ASCC3: variants seen among roughly 807,000 people sequenced by gnomAD.
The protein encoded by ASCC3 is ASC-1 complex subunit P200.
A neutral mutation model predicts 256.3 loss-of-function variants in ASCC3; 158 were observed. The ratio of observed to expected loss-of-function variants is 0.62; its 90% CI spans 0.54 to 0.70. The LOEUF (loss-of-function observed/expected upper bound fraction) is 0.70, where lower values mean the gene tolerates loss of function less well. Ranked by LOEUF, ASCC3 falls within the 30% of genes least tolerant of loss-of-function variation. ASCC3 has a pLI of 0.00. For missense variants in ASCC3, 2,259 were observed against 2,626.0 expected (o/e 0.86, Z 3.05); for synonymous variants, 948 against 883.4 (o/e 1.07, Z -1.30).
chr6:100,674,337 T>C (rs1776900760), intron 14 of ASCC3, among the ~76,000 whole-genome samples: 1 of 152,006 alleles, frequency 6.6e-6, no homozygotes, highest in Non-Finnish European at 1.5e-5. Context: ...TCTTGCTTAT[T>C]TTCTTCCTGG....
intron 10 of ASCC3, among the ~76,000 whole-genome samples, chr6:100,765,879 A>G (rs1246981880): frequency 7.2e-4 from 109 of 152,130 alleles, no homozygotes; most frequent in Non-Finnish European, 8.8e-5. Flanking sequence ...TCTATTATCT[A>G]TTTTCCATCA....
chr6:100,682,158 C>T (rs1419224611), intron 13 of ASCC3, among the ~76,000 whole-genome samples: 1 of 151,832 alleles, frequency 6.6e-6, no homozygotes, highest in Non-Finnish European at 1.5e-5. Context: ...CCCAGAAAAC[C>T]TCATTAACCC....
At chr6:100,615,157 A>G (rs1396432524) in intron 30 of ASCC3, among the ~76,000 whole-genome samples, 1 of 152,102 alleles carries the variant, frequency 6.6e-6, no homozygotes, top group Admixed American at 6.6e-5. Flanking sequence ...CTGGGACTAC[A>G]GGTGCGTGCC....
intron 14 of ASCC3, among the ~76,000 whole-genome samples, chr6:100,667,572 A>T (rs1776543056): frequency 6.6e-6 from 1 of 152,120 alleles, no homozygotes; most frequent in South Asian, 2.1e-4. Flanking sequence ...GGGGAAACAG[A>T]AATAACCAAA....
chr6:100,629,478 C>T (rs1374210299), intron 26 of ASCC3, among the ~76,000 whole-genome samples: 3 of 151,934 alleles, frequency 2.0e-5, no homozygotes, highest in Non-Finnish European at 2.9e-5. Flanking sequence ...AAACTCCATC[C>T]TAGGTGATTT....
chr6:100,817,318 T>G (rs1770801391), intron 4 of ASCC3, among the ~76,000 whole-genome samples: 1 of 151,160 alleles, frequency 6.6e-6, no homozygotes, highest in African/African-American at 2.4e-5. Context: ...AATGCATATA[T>G]AAAGAAAAAG....
chr6:100,866,218 C>T (rs1773471605), intron 2 of ASCC3, among the ~76,000 whole-genome samples: 1 of 152,166 alleles, frequency 6.6e-6, no homozygotes, highest in South Asian at 2.1e-4. Flanking sequence ...GATCCACCCG[C>T]CTAGGCCTTC....
At chr6:100,789,409 G>A (rs1769243771) in intron 8 of ASCC3, among the ~76,000 whole-genome samples, 1 of 151,920 alleles carries the variant, frequency 6.6e-6, no homozygotes, top group Non-Finnish European at 1.5e-5. Flanking sequence ...TTCATGCTCA[G>A]GTTAGGGGCT....
At chr6:100,810,718 A>C (rs1009679065) in intron 4 of ASCC3, among the ~76,000 whole-genome samples, 2 of 152,188 alleles carry the variant, frequency 1.3e-5, no homozygotes, top group Non-Finnish European at 2.9e-5. Context: ...ACACAGGATG[A>C]AGATTAAGTT....
intron 4 of ASCC3, among the ~76,000 whole-genome samples, chr6:100,829,912 C>T (rs1463862089): frequency 6.6e-6 from 1 of 151,988 alleles, no homozygotes; most frequent in Non-Finnish European, 1.5e-5. Flanking sequence ...TTACTGAACA[C>T]AGTCACTGTG....
At chr6:100,872,795 A>G (rs1305772376) in intron 1 of ASCC3, among the ~76,000 whole-genome samples, 1 of 152,180 alleles carries the variant, frequency 6.6e-6, no homozygotes, top group African/African-American at 2.4e-5. Flanking sequence ...GACAACAATC[A>G]CTATAGCTTG....
chr6:100,646,675 G>C lies in ASCC3; in HGVS notation c.3573C>G (p.Ile1191Met), dbSNP rs763664603. The C allele has an allele frequency of 4.3e-6, 7 of 1,613,860 alleles. No individual in the cohort carries two copies. The South Asian group carries it at 7.7e-5, about 18-fold the overall frequency. Residue 1191 changes from isoleucine to methionine, a missense_variant, in exon 22 of 42, where the codon ATC (isoleucine) becomes ATG (methionine). Ile to Met is a conservative substitution (Grantham distance 10). Around this residue, in one of 2 missense-constraint regions of ASCC3, gnomAD observed 1,839 missense variants for 2,206.7 expected, o/e 0.83. Transcript: ENST00000369162. ...SVMMEASIQP[I>M]TRTVLRVTLS... ...GTGTCACTCGGAGGACAGTCCTTGT[G>C]ATAGGCTGAATGGATGCTTCCATCA...
chr6:100,548,424 T>C (rs1312770639), intron 36 of ASCC3, among the ~76,000 whole-genome samples: 3 of 151,988 alleles, frequency 2.0e-5, no homozygotes, highest in Admixed American at 1.3e-4. Context: ...GACGATAGTA[T>C]TAAATCCTTA....
Position 100,804,492 on chromosome 6 carries a change from T to A in ASCC3, c.922+1268A>T, listed in dbSNP as rs141888839. Among the ~76,000 whole-genome samples the A allele has an allele frequency of 1.8e-4, 27 of 152,154 alleles. 1 individual carries two copies. Among genetic ancestry groups the A allele is most frequent in the African/African-American group, 6.5e-4 (27 of 41,544 alleles). On this transcript the variant is annotated intron_variant, in intron 5 of 41. Coordinates refer to ENST00000369162, the MANE Select transcript of ASCC3 (RefSeq NM_006828.4). ...TTGTCAACAGAGTAAACAGACAACC[T>A]ACAGAACAAGAGAAAATAACTGTAT...
intron 8 of ASCC3, among the ~76,000 whole-genome samples, chr6:100,771,475 TA>T (rs1485288976): frequency 6.6e-5 from 10 of 151,986 alleles, no homozygotes; most frequent in African/African-American, 2.4e-4. Context: ...AATAAAAAGA[TA>T]AACCATAGAA....
Position 100,652,747 on chromosome 6 carries a change from T to C in ASCC3, c.2966A>G (p.Tyr989Cys). 5.6e-6 allele frequency: 9 copies of C among 1,613,840 alleles called. No homozygotes were observed. Among genetic ancestry groups the C allele is most frequent in the Non-Finnish European group, 7.6e-6 (9 of 1,179,882 alleles). The change falls in exon 18 of 42, where the codon TAT becomes TGT. Residue 989 changes from tyrosine to cysteine, a missense_variant. Transcript: ENST00000369162. ...TDLGRTASHY[Y>C]IKYNTIETFN... ...TACCTCAATGGTGTTGTATTTAATA[T>C]AGTAATGGCTGGCAGTTCTACCCAA... is the stretch of plus-strand genomic sequence containing the variant.
At chr6:100,742,183 T>C (rs1780467566) in intron 10 of ASCC3, among the ~76,000 whole-genome samples, 1 of 152,150 alleles carries the variant, frequency 6.6e-6, no homozygotes, top group African/African-American at 2.4e-5. Context: ...TACTCATACC[T>C]GGAGGTATCA....
At position 100,533,773 on chromosome 6, in the gene ASCC3, T is replaced by C. The variant is rs1775028639; in HGVS notation, c.5775+6390A>G. On this transcript the variant is annotated intron_variant, in intron 37 of 41. Coordinates refer to ENST00000369162, the MANE Select transcript of ASCC3 (RefSeq NM_006828.4). ...GATATAAACACATATTCTTATACTA[T>C]TTGGCTTAGTATTATATTTAGGTGT... Among the ~76,000 whole-genome samples the C allele has an allele frequency of 2.0e-5, 3 of 152,222 alleles. No individual in the cohort carries two copies. In the South Asian group the frequency reaches 6.2e-4, roughly 31 times the overall value.
At chr6:100,833,445 TC>T (rs1771718258) in intron 4 of ASCC3, among the ~76,000 whole-genome samples, 1 of 152,182 alleles carries the variant, frequency 6.6e-6, no homozygotes, top group African/African-American at 2.4e-5. Flanking sequence ...CCTTCTGTAA[TC>T]TTACGGTAAA....
Sources: gnomAD v4.1 joint callset for allele counts (sites outside exome capture counted in the v4.1 genomes callset) on GRCh38, gnomAD v4.1.1 for gene constraint, gnomAD v4.1.1 regional missense constraint, MANE v1.5 for transcripts, NCBI Gene and HGNC (gene_info 2026-07-23, HGNC 2026-07-21) for gene names.